The following AADAT variants were observed in gnomAD, a reference collection of about 807,000 sequenced individuals.
AADAT encodes the protein kynurenine/alpha-aminoadipate aminotransferase, mitochondrial.
In AADAT, 25 loss-of-function variants were observed where a neutral mutation model predicts 56.2. The observed-to-expected ratio is 0.44, with a 90% CI of 0.32 to 0.62. The LOEUF (loss-of-function observed/expected upper bound fraction) is 0.62, where lower values mean the gene tolerates loss of function less well. Ranked by LOEUF, AADAT falls within the 20% of genes least tolerant of loss-of-function variation. The probability of loss-of-function intolerance (pLI) is 0.04; values close to 1 mark genes in which losing one functional copy is unlikely to be tolerated. For synonymous variants in AADAT, 173 were observed against 164.7 expected (o/e 1.05, Z -0.39); for missense variants, 387 against 510.5 (o/e 0.76, Z 2.33).
chr4:170,066,594 G>C lies in AADAT; in HGVS notation c.963-116C>G, dbSNP rs563254595. 5.8e-4 allele frequency: 430 copies of C among 740,866 alleles called. 8 individuals carry two copies. In the South Asian group the frequency reaches 6.8e-3, roughly 12 times the overall value. The allele number at this position is 740,866 out of a possible 1,614,324, so 45.9% of individuals were successfully genotyped here. A position where few individuals can be genotyped will look rare whatever the true frequency, so the allele number is the denominator to read the frequency against. ...TTCTATCTTGATTAAAATGTTGAAT[G>C]CTTGATAGAAGAATGGAGCATATTT... On this transcript the variant is annotated intron_variant, in intron 9 of 12. Transcript: ENST00000337664.
intron 3 of AADAT, among the ~76,000 whole-genome samples, chr4:170,080,411 G>A (rs549302041): frequency 6.6e-6 from 1 of 152,236 alleles, no homozygotes; most frequent in African/African-American, 2.4e-5. Flanking sequence ...ACCATCTTTG[G>A]TTCCCTGGCT....
chr4:170,081,610 G>C (rs1455124626), intron 3 of AADAT, among the ~76,000 whole-genome samples: 1 of 152,168 alleles, frequency 6.6e-6, no homozygotes, highest in East Asian at 1.9e-4. Flanking sequence ...TCTGGCAACA[G>C]ACATCTCAAT....
At chr4:170,061,540 T>C (rs1462116306) in intron 12 of AADAT, among the ~76,000 whole-genome samples, 1 of 152,230 alleles carries the variant, frequency 6.6e-6, no homozygotes, top group Non-Finnish European at 1.5e-5. Context: ...TGATACTTTT[T>C]TCTTCAGAGA....
intron 5 of AADAT, among the ~76,000 whole-genome samples, chr4:170,072,504 A>G (rs1486631312): frequency 3.9e-5 from 6 of 152,106 alleles, no homozygotes; most frequent in Non-Finnish European, 8.8e-5. Flanking sequence ...CTATGATTCC[A>G]CTGGATGTGA....
chr4:170,071,905 T>C (rs1731784416), intron 5 of AADAT, among the ~76,000 whole-genome samples: 1 of 152,036 alleles, frequency 6.6e-6, no homozygotes, highest in Non-Finnish European at 1.5e-5. Flanking sequence ...GTTGCACTCT[T>C]TATGGAGATG....
intron 3 of AADAT, among the ~76,000 whole-genome samples, chr4:170,085,646 G>C (rs566758349): frequency 1.3e-5 from 2 of 152,250 alleles, no homozygotes; most frequent in African/African-American, 4.8e-5. Context: ...CTTTCTTGAG[G>C]AAAGAATTTA....
chr4:170,070,492 G>T, intron 6 of AADAT, 95 bp downstream of exon 6: 1 of 821,714 alleles, frequency 1.2e-6, no homozygotes, highest in Non-Finnish European at 2.0e-6. Flanking sequence ...AAGTGGATTA[G>T]TTCTGACTCA....
upstream of AADAT, chr4:170,090,197 C>G (rs976398419): frequency 2.0e-5 from 3 of 152,294 alleles, no homozygotes; most frequent in African/African-American, 4.8e-5. Flanking sequence ...GCCTAGGCGC[C>G]GGCCCAGAGG....
upstream of AADAT, chr4:170,090,503 T>G (rs561892891): frequency 1.3e-5 from 2 of 152,332 alleles, no homozygotes; most frequent in Admixed American, 6.5e-5. Flanking sequence ...TTCTCGAAGA[T>G]CTCAGCATTT....
intron 3 of AADAT, among the ~76,000 whole-genome samples, chr4:170,080,460 T>A (rs1207849471): frequency 6.6e-6 from 1 of 152,124 alleles, no homozygotes; most frequent in East Asian, 1.9e-4. Context: ...GGAAGCATCA[T>A]GACTGCCTGG....
At chr4:170,071,278 C>T (rs1731750386) in intron 5 of AADAT, among the ~76,000 whole-genome samples, 1 of 152,234 alleles carries the variant, frequency 6.6e-6, no homozygotes, top group East Asian at 1.9e-4. Flanking sequence ...GACAGGGTAG[C>T]TATTTCAGGT....
rs992903266 is a variant in AADAT at position 170,060,988 on chromosome 4, AT to A, written c.1237-20del. 11 of 1,429,908 alleles carry A rather than the reference AT, an allele frequency of 7.7e-6. No homozygotes were observed. The African/African-American group carries it at 1.4e-4, about 19-fold the overall frequency. The allele number at this position is 1,429,908 out of a possible 1,614,324, so 88.6% of individuals were successfully genotyped here. A position where few individuals can be genotyped will look rare whatever the true frequency, so the allele number is the denominator to read the frequency against. On this transcript the variant is annotated intron_variant, in intron 12 of 12. Coordinates refer to ENST00000337664, the MANE Select transcript of AADAT (RefSeq NM_016228.4). ...GGAAGGCCTAAAACAGAAAAAAAAA[AT>A]TAGAATTAATTAAATTAGGATACTA...
upstream of AADAT, chr4:170,090,416 A>G (rs1464648313): frequency 2.0e-5 from 3 of 152,140 alleles, no homozygotes; most frequent in East Asian, 5.8e-4. Flanking sequence ...TATGCTAAAT[A>G]CCCATCTTTC....
chr4:170,072,025 G>T lies in AADAT; in HGVS notation c.654+1111C>A, dbSNP rs540352319. 1.2e-4 allele frequency among the ~76,000 whole-genome samples: 18 copies of T among 152,232 alleles called. No individual in the cohort carries two copies. In the South Asian group the frequency reaches 3.7e-3, roughly 32 times the overall value. Reference sequence around the variant, plus strand: ...ATGATTTTTAGACATCTCTGTGGAGGTATCAGCAGAAAGGTGGATACAGAA... The same window carrying T: ...ATGATTTTTAGACATCTCTGTGGAGTTATCAGCAGAAAGGTGGATACAGAA... On this transcript the variant is annotated intron_variant, in intron 5 of 12. Transcript: ENST00000337664.
At chr4:170,064,941 T>C in intron 10 of AADAT, 116 bp from the exon 11 acceptor site, 1 of 780,510 alleles carries the variant, frequency 1.3e-6, no homozygotes, top group Non-Finnish European at 2.0e-6. Context: ...CCTAAAAAAG[T>C]TCCTTCAATT....
At chr4:170,063,621 AG>A (rs1295943601) in intron 11 of AADAT, among the ~76,000 whole-genome samples, 2 of 152,240 alleles carry the variant, frequency 1.3e-5, no homozygotes, top group Non-Finnish European at 2.9e-5. Flanking sequence ...AGAGGATAAT[AG>A]CTTTCCCAAG....
intron 5 of AADAT, 115 bp from the exon 6 acceptor site, chr4:170,070,767 G>C: frequency 2.9e-6 from 2 of 687,906 alleles, no homozygotes; most frequent in Non-Finnish European, 4.7e-6. Context: ...GAACTACTGT[G>C]TGTCTATTGT....
intron 11 of AADAT, among the ~76,000 whole-genome samples, chr4:170,063,866 G>A (rs1210033690): frequency 6.6e-6 from 1 of 152,014 alleles, no homozygotes; most frequent in East Asian, 1.9e-4. Context: ...CTGGTAAACT[G>A]GAAAGCTACA....
chr4:170,090,985 G>A (rs141356128), upstream of AADAT, among the ~76,000 whole-genome samples: 26 of 152,352 alleles, frequency 1.7e-4, no homozygotes, highest in East Asian at 4.4e-3. Context: ...GGTCCTGGCA[G>A]CAAAAGGCTG....
Sources: gnomAD v4.1 joint callset for allele counts (sites outside exome capture counted in the v4.1 genomes callset) on GRCh38, gnomAD v4.1.1 for gene constraint, MANE v1.5 for transcripts, NCBI Gene and HGNC (gene_info 2026-07-23, HGNC 2026-07-21) for gene names.